Variants in CEP63 observed in about 807,000 individuals in gnomAD.
CEP63 encodes the protein centrosomal protein 63, also known as centrosomal protein of 63 kDa.
In CEP63, 84 loss-of-function variants were observed where a neutral mutation model predicts 89.1. The ratio of observed to expected loss-of-function variants is 0.94; its 90% CI spans 0.79 to 1.13. The LOEUF is 1.13. Among genes scored for constraint, CEP63 ranks in the 50% most tolerant of loss-of-function variants. The probability of loss-of-function intolerance (pLI) is 0.00; values close to 1 mark genes in which losing one functional copy is unlikely to be tolerated. For synonymous variants in CEP63, 267 were observed against 272.5 expected (o/e 0.98, Z 0.20); for missense variants, 838 against 813.3 (o/e 1.03, Z -0.37).
the CEP63 span, chr3:134,603,510 C>T: frequency 4.2e-6 from 6 of 1,429,986 alleles, no homozygotes; most frequent in Non-Finnish European, 5.7e-6. Context: ...GCTCCCTGCA[C>T]TTCCTTCGAG....
the CEP63 span, chr3:134,608,310 G>T: frequency 8.1e-7 from 1 of 1,239,224 alleles, no homozygotes; most frequent in Non-Finnish European, 1.0e-6. Context: ...CAGCTAGGAA[G>T]TGCCCAGCCC....
chr3:134,683,753 C>A, the CEP63 span, among the ~76,000 whole-genome samples: 1 of 151,910 alleles, frequency 6.6e-6, no homozygotes, highest in Non-Finnish European at 1.5e-5. Context: ...CACAAGCCAC[C>A]AAAATGGCCC....
chr3:134,517,593 G>A (rs896060799), intron 3 of CEP63, among the ~76,000 whole-genome samples: 2 of 152,124 alleles, frequency 1.3e-5, no homozygotes, highest in South Asian at 4.1e-4. Context: ...TCTTGATACA[G>A]TTCAAAAGCT....
chr3:134,575,229 CCCTCCCTT>C (rs1432882818), downstream of CEP63, among the ~76,000 whole-genome samples: 38 of 18,304 alleles, frequency 2.1e-3, no homozygotes, highest in African/African-American at 4.6e-3. Context: ...CTCCCTCCCT[CCCTCCCTT>C]CCTTCCTTCC....
chr3:134,564,851 A>G lies in CEP63; in HGVS notation c.*3316A>G. Reference sequence around the variant, plus strand: ...CAATGACAGACTCTGTAGTCACCGGAAATACTTAAGGAATCATGAGGTACT... The same window carrying G: ...CAATGACAGACTCTGTAGTCACCGGGAATACTTAAGGAATCATGAGGTACT... On this transcript the variant is annotated 3_prime_UTR_variant, in exon 15 of 15. Coordinates refer to ENST00000675561, the MANE Select transcript of CEP63 (RefSeq NM_001353108.3). 1.0e-6 allele frequency: 1 copy of G among 985,338 alleles called. No homozygotes were observed. Among genetic ancestry groups the G allele is most frequent in the Non-Finnish European group, 1.2e-6 (1 of 829,826 alleles). 61.0% of individuals were successfully genotyped at this position (985,338 alleles called of 1,614,324 possible).
intron 2 of CEP63, among the ~76,000 whole-genome samples, chr3:134,500,717 G>T (rs1186426100): frequency 6.6e-6 from 1 of 152,074 alleles, no homozygotes; most frequent in Non-Finnish European, 1.5e-5. Context: ...CAAGTTCCTT[G>T]TAGTTTATGG....
chr3:134,649,262 A>G, the CEP63 span, among the ~76,000 whole-genome samples: 1 of 152,168 alleles, frequency 6.6e-6, no homozygotes, highest in Non-Finnish European at 1.5e-5. Context: ...GTGTGCATAC[A>G]TGAGTCTGGA....
chr3:134,636,716 C>G, the CEP63 span, among the ~76,000 whole-genome samples: 1 of 152,212 alleles, frequency 6.6e-6, no homozygotes, highest in Non-Finnish European at 1.5e-5. Flanking sequence ...TCTAAAGCTG[C>G]TAAGTTGTGT....
chr3:134,575,491 CCCTTTCTTCCTTTCTTT>C (rs1364219020), downstream of CEP63, among the ~76,000 whole-genome samples: 1 of 111,228 alleles, frequency 9.0e-6, no homozygotes, highest in Non-Finnish European at 1.9e-5. Flanking sequence ...CTCCCTCCCT[CCCTTTCTTCCTTTCTTT>C]CCTTTCTTCC....
intron 2 of CEP63, among the ~76,000 whole-genome samples, chr3:134,498,599 G>T (rs1940930785): frequency 6.6e-6 from 1 of 152,112 alleles, no homozygotes; most frequent in South Asian, 2.1e-4. Flanking sequence ...TGTGTTGAAT[G>T]GGAGTGGTGG....
At chr3:134,740,724 T>A in the CEP63 span, among the ~76,000 whole-genome samples, 2 of 152,178 alleles carry the variant, frequency 1.3e-5, no homozygotes, top group Admixed American at 6.5e-5. Context: ...ACATTAAAGT[T>A]GAGAAACACT....
At position 134,562,695 on chromosome 3, in the gene CEP63, C is replaced by G. The variant is rs1006031426; in HGVS notation, c.*1160C>G. ...ACCCTCTCCAACACCACTTCCATCC[C>G]CAGACTGCTTTCTTGCTCTTGAGTT... On this transcript the variant is annotated 3_prime_UTR_variant, in exon 15 of 15. Coordinates refer to ENST00000675561, the MANE Select transcript of CEP63 (RefSeq NM_001353108.3). 1 of 152,416 alleles carries G rather than the reference C, an allele frequency of 6.6e-6. No individual in the cohort carries two copies. The highest frequency in any genetic ancestry group is 1.5e-5 in the Non-Finnish European group (1 of 68,170). 9.4% of individuals were successfully genotyped at this position (152,416 alleles called of 1,614,324 possible).
At chr3:134,592,462 G>T (rs1024109486), downstream of CEP63, among the ~76,000 whole-genome samples, 1 of 147,386 alleles carries the variant, frequency 6.8e-6, no homozygotes, top group African/African-American at 2.5e-5. Flanking sequence ...AATGCCATCT[G>T]CAAACTGGTG....
In CEP63 at chr3:134,496,441, G is replaced by A. The variant is rs1010856517; in HGVS notation, c.44+1077G>A. On this transcript the variant is annotated intron_variant, in intron 2 of 14. Transcript: ENST00000675561. ...AAGGATAGAAAAAAAAGGGGGGGGG[G>A]GCTAAAGAACTAGTCCAAAGAGAAC... Among the ~76,000 whole-genome samples, 171 of 138,836 alleles carry A rather than the reference G, an allele frequency of 1.2e-3. 2 individuals are homozygous for A. The highest frequency in any genetic ancestry group is 3.9e-3 in the African/African-American group (149 of 37,760). The allele number at this position is 138,836 out of a possible 152,430, so 91.1% of individuals were successfully genotyped here. A position where few individuals can be genotyped will look rare whatever the true frequency, so the allele number is the denominator to read the frequency against.
At chr3:134,570,520 C>T (rs1957967917) in intron 11 of CEP63, among the ~76,000 whole-genome samples, 1 of 152,194 alleles carries the variant, frequency 6.6e-6, no homozygotes, top group Non-Finnish European at 1.5e-5. Flanking sequence ...CAACAAGTTC[C>T]TCATCTCCAT....
the CEP63 span, among the ~76,000 whole-genome samples, chr3:134,664,186 G>T: frequency 6.6e-6 from 1 of 152,192 alleles, no homozygotes; most frequent in Non-Finnish European, 1.5e-5. Flanking sequence ...CCCCTACTGG[G>T]TATTTTTATT....
intron 6 of CEP63, among the ~76,000 whole-genome samples, chr3:134,544,636 T>TGGGGG (rs10662414): frequency 8.3e-5 from 12 of 145,322 alleles, no homozygotes; most frequent in Admixed American, 2.7e-4. Flanking sequence ...ATGCTCTAGG[T>TGGGGG]GGGGGGGGGA....
the CEP63 span, among the ~76,000 whole-genome samples, chr3:134,695,887 G>A: frequency 6.6e-6 from 1 of 152,274 alleles, no homozygotes; most frequent in East Asian, 1.9e-4. Context: ...CTACAATCTG[G>A]GGACATAGTC....
chr3:134,487,039 C>T (rs1935784901), intron 1 of CEP63, among the ~76,000 whole-genome samples: 1 of 152,120 alleles, frequency 6.6e-6, no homozygotes, highest in Admixed American at 6.5e-5. Flanking sequence ...CTGATATGCA[C>T]AGAGTAGTTT....
Sources: gnomAD v4.1 joint callset for allele counts (sites outside exome capture counted in the v4.1 genomes callset) on GRCh38, gnomAD v4.1.1 for gene constraint, MANE v1.5 for transcripts, NCBI Gene and HGNC (gene_info 2026-07-23, HGNC 2026-07-21) for gene names.